SMURF1: variants seen among roughly 807,000 people sequenced by gnomAD.
SMURF1 encodes E3 ubiquitin-protein ligase SMURF1.
In SMURF1, 44 loss-of-function variants were observed where a neutral mutation model predicts 98.0. That is an observed-to-expected ratio of 0.45 (90% confidence interval 0.35 to 0.58). SMURF1 has a LOEUF of 0.58. SMURF1 is among the 20% of genes least tolerant of loss of function. The pLI is 0.00. For synonymous variants in SMURF1, 396 were observed against 374.9 expected (o/e 1.06, Z -0.65); for missense variants, 687 against 938.4 (o/e 0.73, Z 3.50).
intron 1 of SMURF1, among the ~76,000 whole-genome samples, chr7:99,105,751 G>A (rs933714298): frequency 1.3e-5 from 2 of 152,160 alleles, no homozygotes; most frequent in African/African-American, 2.4e-5. Flanking sequence ...TTGGCTGTGT[G>A]TGTCACAGAG....
At chr7:99,078,122 A>C (rs953495279) in intron 1 of SMURF1, among the ~76,000 whole-genome samples, 5 of 152,256 alleles carry the variant, frequency 3.3e-5, no homozygotes, top group Admixed American at 6.5e-5. Flanking sequence ...AAATATGGTG[A>C]AACCCCGTCT....
At chr7:99,031,544 A>T (rs891017534) in intron 17 of SMURF1, 1 of 152,258 alleles carries the variant, frequency 6.6e-6, no homozygotes, top group African/African-American at 2.4e-5. Context: ...GCTTCAGAGC[A>T]TACTTTCCAC....
At chr7:99,063,246 TATATATA>T (rs1563012616) in intron 1 of SMURF1, among the ~76,000 whole-genome samples, 4 of 2,856 alleles carry the variant, frequency 1.4e-3, no homozygotes, top group African/African-American at 2.4e-3. Flanking sequence ...TTTATTTATA[TATATATA>T]TATATATATA....
intron 11 of SMURF1, chr7:99,045,399 A>T (rs899971446): frequency 5.1e-6 from 2 of 395,730 alleles, no homozygotes; most frequent in Non-Finnish European, 4.5e-6. Context: ...CATGCTCCTC[A>T]TGTTTCAAAA....
At chr7:99,132,254 C>G (rs78768904) in intron 1 of SMURF1, among the ~76,000 whole-genome samples, 3,210 of 152,224 alleles carry the variant, frequency 0.021, 102 homozygotes, top group African/African-American at 0.071. Flanking sequence ...ATGCTGCCTC[C>G]AGGAGAGGTG....
chr7:99,057,157 T>C (rs1404977605), intron 5 of SMURF1, 48 bp downstream of exon 5: 10 of 1,602,888 alleles, frequency 6.2e-6, no homozygotes, highest in Middle Eastern at 3.3e-4. Context: ...AAGGGTTGAA[T>C]GTAAGTTCTG....
At chr7:99,032,012 A>G (rs758509838) in intron 17 of SMURF1, among the ~76,000 whole-genome samples, 2 of 152,264 alleles carry the variant, frequency 1.3e-5, no homozygotes, top group Non-Finnish European at 2.9e-5. Context: ...AACATTTGCA[A>G]TAGACAAGGT....
intron 3 of SMURF1, among the ~76,000 whole-genome samples, chr7:99,060,116 G>A (rs566273159): frequency 7.9e-5 from 12 of 152,058 alleles, no homozygotes; most frequent in Non-Finnish European, 1.2e-4. Flanking sequence ...AGTGGCTCAC[G>A]CCTGTAATCC....
At chr7:99,041,763 A>C (rs1310834186) in intron 12 of SMURF1, among the ~76,000 whole-genome samples, 1 of 152,204 alleles carries the variant, frequency 6.6e-6, no homozygotes, top group Non-Finnish European at 1.5e-5. Context: ...GAAAGATTCC[A>C]GTTTTGACCG....
At chr7:99,063,989 G>T (rs1315175942) in intron 1 of SMURF1, among the ~76,000 whole-genome samples, 1 of 152,128 alleles carries the variant, frequency 6.6e-6, no homozygotes, top group Non-Finnish European at 1.5e-5. Flanking sequence ...AGTGGTGTTA[G>T]ATTTTGTCAA....
intron 1 of SMURF1, among the ~76,000 whole-genome samples, chr7:99,117,008 A>G (rs1442840518): frequency 1.3e-5 from 2 of 152,226 alleles, no homozygotes; most frequent in East Asian, 3.8e-4. Flanking sequence ...TTATAGATCA[A>G]CAGGATACAA....
intron 1 of SMURF1, among the ~76,000 whole-genome samples, chr7:99,101,549 T>C (rs1797081793): frequency 6.6e-6 from 1 of 152,218 alleles, no homozygotes; most frequent in Non-Finnish European, 1.5e-5. Flanking sequence ...TAAATAGATT[T>C]AATTTATTGC....
chr7:99,051,868 G>T (rs559736775), intron 7 of SMURF1, among the ~76,000 whole-genome samples: 1 of 152,182 alleles, frequency 6.6e-6, no homozygotes, highest in Admixed American at 6.5e-5. Flanking sequence ...AGGGTTAAAG[G>T]CCAGATGCAG....
chr7:99,065,786 G>A (rs914092317), intron 1 of SMURF1, among the ~76,000 whole-genome samples: 2 of 151,988 alleles, frequency 1.3e-5, no homozygotes, highest in African/African-American at 4.8e-5. Context: ...GGTGGCTTAC[G>A]CCTGTAATCC....
intron 1 of SMURF1, among the ~76,000 whole-genome samples, chr7:99,117,515 A>T (rs968613533): frequency 2.0e-5 from 3 of 151,156 alleles, no homozygotes; most frequent in African/African-American, 7.3e-5. Context: ...CACTTGGCTA[A>T]TTTTTTTGTA....
intron 1 of SMURF1, among the ~76,000 whole-genome samples, chr7:99,073,261 C>A (rs946985521): frequency 1.3e-5 from 2 of 151,312 alleles, no homozygotes; most frequent in Non-Finnish European, 2.9e-5. Context: ...CACCTGTAAT[C>A]CCAGCTACTC....
At chr7:99,115,926 A>G (rs577843742) in intron 1 of SMURF1, among the ~76,000 whole-genome samples, 2 of 152,308 alleles carry the variant, frequency 1.3e-5, no homozygotes, top group African/African-American at 4.8e-5. Flanking sequence ...AAATAAAAGA[A>G]GAGGAGCCAT....
At chr7:99,140,918 A>G (rs1022706623) in intron 1 of SMURF1, among the ~76,000 whole-genome samples, 1 of 152,232 alleles carries the variant, frequency 6.6e-6, no homozygotes, top group Non-Finnish European at 1.5e-5. Context: ...CTTAACCAGA[A>G]AGATGAGACT....
At chr7:99,050,842 T>C (rs369120375) in intron 8 of SMURF1, 14 of 1,055,936 alleles carry the variant, frequency 1.3e-5, no homozygotes, top group Middle Eastern at 2.3e-4. Context: ...AATGCTATTC[T>C]AAAAGGAAAT....
Sources: gnomAD v4.1 joint callset for allele counts (sites outside exome capture counted in the v4.1 genomes callset) on GRCh38, gnomAD v4.1.1 for gene constraint, MANE v1.5 for transcripts, NCBI Gene and HGNC (gene_info 2026-07-23, HGNC 2026-07-21) for gene names.